PDS5B: variants seen among roughly 807,000 people sequenced by gnomAD.
The protein encoded by PDS5B is sister chromatid cohesion protein PDS5 homolog B.
Under a neutral mutation model 184.1 loss-of-function variants are expected in PDS5B, and 51 were observed. The observed-to-expected ratio is 0.28, with a 90% CI of 0.22 to 0.35. PDS5B has a LOEUF of 0.35. Ranked by LOEUF, PDS5B falls within the 10% of genes least tolerant of loss-of-function variation. PDS5B has a pLI of 1.00. For synonymous variants in PDS5B, 566 were observed against 569.2 expected (o/e 0.99, Z 0.08); for missense variants, 1,180 against 1,723.3 (o/e 0.68, Z 5.58).
At chr13:32,678,331 A>G (rs1951128016) in intron 9 of PDS5B, among the ~76,000 whole-genome samples, 2 of 150,988 alleles carry the variant, frequency 1.3e-5, no homozygotes, top group Non-Finnish European at 2.9e-5. Flanking sequence ...AATGGTGATG[A>G]TTAATTGGAT....
intron 10 of PDS5B, among the ~76,000 whole-genome samples, chr13:32,679,884 A>AGT (rs34635708): frequency 0.013 from 1,893 of 143,704 alleles, 10 homozygotes; most frequent in East Asian, 0.019. Context: ...TTCGTCTGTG[A>AGT]GTGTGTGTGT....
chr13:32,635,439 G>A (rs1238798860), intron 1 of PDS5B, among the ~76,000 whole-genome samples: 1 of 150,594 alleles, frequency 6.6e-6, no homozygotes, highest in African/African-American at 2.4e-5. Context: ...CGCCTCCCGG[G>A]TTCAAGTGAT....
chr13:32,710,183 A>G (rs1952160474), intron 19 of PDS5B, 77 bp downstream of exon 19: 1 of 1,062,490 alleles, frequency 9.4e-7, no homozygotes, highest in South Asian at 3.1e-5. Flanking sequence ...ATAATTGGGA[A>G]TCTTTCAAGT....
intron 24 of PDS5B, among the ~76,000 whole-genome samples, chr13:32,751,548 C>T (rs1437259392): frequency 1.3e-5 from 2 of 152,132 alleles, no homozygotes; most frequent in African/African-American, 2.4e-5. Context: ...TAATAATGGC[C>T]GTTCTGACTG....
chr13:32,685,605 A>G lies in PDS5B; in HGVS notation c.1204-1529A>G, dbSNP rs141841217. Among the ~76,000 whole-genome samples, 1,101 of 152,332 alleles carry G rather than the reference A, an allele frequency of 7.2e-3. 11 individuals are homozygous for G. The highest frequency in any genetic ancestry group is 0.025 in the African/African-American group (1,054 of 41,580). ...AAGAGGGAATTAAGAGTTAGATACAACATGGGGAGTTAGAGATACAAACTT... is the reference window on the plus strand; with the variant it reads ...AAGAGGGAATTAAGAGTTAGATACAGCATGGGGAGTTAGAGATACAAACTT... On this transcript the variant is annotated intron_variant, in intron 11 of 34. Coordinates refer to ENST00000315596, the MANE Select transcript of PDS5B (RefSeq NM_015032.4).
Position 32,689,456 on chromosome 13 carries a change from A to G in PDS5B, c.1469+887A>G, listed in dbSNP as rs554128016. 10 of 152,264 alleles carry G rather than the reference A, an allele frequency of 6.6e-5. 1 individual carries two copies. The East Asian group carries it at 9.6e-4, about 15-fold the overall frequency. 9.4% of individuals were successfully genotyped at this position (152,264 alleles called of 1,614,324 possible). On this transcript the variant is annotated intron_variant, in intron 13 of 34. Transcript: ENST00000315596. ...TCAGGCACTGGAATTTGTATTATGT[A>G]TAACTGCTTTTGTGCTACAGTGGAA...
At chr13:32,750,049 TTTATAC>T (rs1204098678) in intron 24 of PDS5B, among the ~76,000 whole-genome samples, 1 of 152,202 alleles carries the variant, frequency 6.6e-6, no homozygotes, top group Admixed American at 6.5e-5. Flanking sequence ...AGTAGCGCTT[TTTATAC>T]TTATTTATTC....
chr13:32,766,554 C>A (rs142102789), intron 31 of PDS5B, among the ~76,000 whole-genome samples: 2 of 152,198 alleles, frequency 1.3e-5, no homozygotes, highest in African/African-American at 4.8e-5. Context: ...TTATGAGACA[C>A]AAGTTGAATT....
chr13:32,697,335 A>G (rs1951735004), intron 15 of PDS5B, among the ~76,000 whole-genome samples: 1 of 152,202 alleles, frequency 6.6e-6, no homozygotes, highest in Admixed American at 6.5e-5. Context: ...TTCAGTGGAA[A>G]AGTAGGGAAA....
intron 1 of PDS5B, among the ~76,000 whole-genome samples, chr13:32,603,680 C>G: frequency 6.6e-6 from 1 of 152,154 alleles, no homozygotes. Flanking sequence ...TATAAATTAC[C>G]TTGGGCGGTA....
At chr13:32,724,183 C>G (rs547491808) in intron 19 of PDS5B, among the ~76,000 whole-genome samples, 2 of 152,084 alleles carry the variant, frequency 1.3e-5, no homozygotes, top group Non-Finnish European at 2.9e-5. Context: ...GTAGTCAGAT[C>G]GTAGCTCACT....
chr13:32,728,566 C>T lies in PDS5B; in HGVS notation c.2124-3535C>T, dbSNP rs185239121. On this transcript the variant is annotated intron_variant, in intron 19 of 34. Coordinates refer to ENST00000315596, the MANE Select transcript of PDS5B (RefSeq NM_015032.4). ...TAACTCCTTCCTTTCTGGTATTGTG[C>T]TCTAGAAATCAGAGCTTCCTTGGCC... 4.6e-5 allele frequency among the ~76,000 whole-genome samples: 7 copies of T among 152,262 alleles called. No individual in the cohort carries two copies. The East Asian group carries it at 1.4e-3, about 29-fold the overall frequency.
chr13:32,760,438 T>C (rs1030150412), intron 29 of PDS5B, 137 bp from the exon 30 acceptor site: 11 of 708,898 alleles, frequency 1.6e-5, no homozygotes, highest in African/African-American at 1.1e-4. Context: ...TTTATACTTA[T>C]TACTTTGCTT....
At chr13:32,730,182 G>A (rs1295667169) in intron 19 of PDS5B, among the ~76,000 whole-genome samples, 1 of 152,100 alleles carries the variant, frequency 6.6e-6, no homozygotes, top group African/African-American at 2.4e-5. Flanking sequence ...AGTTTTCCCA[G>A]CAACCTTTAT....
intron 1 of PDS5B, among the ~76,000 whole-genome samples, chr13:32,597,519 C>T (rs561407008): frequency 6.6e-6 from 1 of 151,110 alleles, no homozygotes. Context: ...ACAGAGAGAT[C>T]CTGTCTCTTT....
At position 32,586,506 on chromosome 13, in the gene PDS5B, G is replaced by T. The variant is rs1037408418; in HGVS notation, c.-107G>T. ...GGCAGGGCTGGCTGCGGAAGGGGAG[G>T]GGGGGGGAGAAGGCGATTGGATGCG... On this transcript the variant is annotated 5_prime_UTR_variant, in exon 1 of 35. Coordinates refer to ENST00000315596, the MANE Select transcript of PDS5B (RefSeq NM_015032.4). The T allele has an allele frequency of 8.8e-5, 5 of 56,512 alleles. No homozygotes were observed. The highest frequency in any genetic ancestry group is 1.5e-4 in the Admixed American group (1 of 6,736). The allele number at this position is 56,512 out of a possible 1,614,324, so 3.5% of individuals were successfully genotyped here.
intron 11 of PDS5B, among the ~76,000 whole-genome samples, chr13:32,685,766 C>T (rs1273807400): frequency 2.6e-5 from 4 of 152,166 alleles, no homozygotes; most frequent in Non-Finnish European, 4.4e-5. Context: ...CCTCAGCCTC[C>T]TGAGTAGGTG....
chr13:32,694,372 T>C (rs1433867846), intron 14 of PDS5B, 68 bp downstream of exon 14: 1 of 915,322 alleles, frequency 1.1e-6, no homozygotes, highest in Non-Finnish European at 1.8e-6. Context: ...TTACCATTGC[T>C]GCTATGTGTT....
chr13:32,620,184 G>A (rs1467071975), intron 1 of PDS5B, among the ~76,000 whole-genome samples: 2 of 152,184 alleles, frequency 1.3e-5, no homozygotes, highest in East Asian at 3.8e-4. Context: ...ATGTGGAAAT[G>A]AAACAGATTT....
Sources: allele counts gnomAD v4.1 joint callset (sites outside exome capture counted in the v4.1 genomes callset), GRCh38; gene constraint gnomAD v4.1.1; transcripts MANE v1.5; gene names NCBI Gene and HGNC (gene_info 2026-07-23, HGNC 2026-07-21).